The following POF1B variants were observed in gnomAD, a reference collection of about 807,000 sequenced individuals.
POF1B encodes the protein POF1B actin binding protein.
In POF1B, 53 loss-of-function variants were observed where a neutral mutation model predicts 55.3. The observed-to-expected ratio is 0.96, with a 90% CI of 0.77 to 1.20. The LOEUF (loss-of-function observed/expected upper bound fraction) is 1.20, where lower values mean the gene tolerates loss of function less well. Among genes scored for constraint, POF1B ranks in the 50% most tolerant of loss-of-function variants. The pLI is 0.00. For synonymous variants in POF1B, 188 were observed against 148.3 expected, an observed-to-expected ratio of 1.27 and a Z score of -1.95; for missense variants, 478 against 420.5, an observed-to-expected ratio of 1.14 and a Z score of -1.20.
At chrX:85,283,910 T>A (rs192513856) in intron 15 of POF1B, among the ~76,000 whole-genome samples, 314 of 110,846 alleles carry the variant, frequency 2.8e-3, no homozygotes, top group Middle Eastern at 9.2e-3. Context: ...AGTACTTTTT[T>A]AAAAAAAATG....
intron 15 of POF1B, among the ~76,000 whole-genome samples, chrX:85,288,656 G>C (rs1932108898): frequency 9.0e-6 from 1 of 111,074 alleles, no homozygotes; most frequent in Non-Finnish European, 1.9e-5. Context: ...CAAATCATGG[G>C]GGCTGGTCTT....
chrX:85,286,868 C>T, intron 15 of POF1B, among the ~76,000 whole-genome samples: 1 of 110,956 alleles, frequency 9.0e-6, no homozygotes, highest in East Asian at 2.8e-4. Context: ...GAGAAATAAA[C>T]AAATCCACAA....
chrX:85,320,208 C>A (rs749520939), intron 7 of POF1B, among the ~76,000 whole-genome samples: 24 of 110,516 alleles, frequency 2.2e-4, no homozygotes, highest in African/African-American at 7.9e-4. Context: ...ATCCCCTTTT[C>A]ATTTCTGATT....
intron 4 of POF1B, among the ~76,000 whole-genome samples, chrX:85,355,294 T>C (rs1933470690): frequency 8.9e-6 from 1 of 111,773 alleles, no homozygotes; most frequent in African/African-American, 3.3e-5. Context: ...TTACACCTTA[T>C]ACAAAAATTA....
intron 7 of POF1B, among the ~76,000 whole-genome samples, chrX:85,330,105 C>A (rs2147924527): frequency 9.1e-6 from 1 of 109,778 alleles, no homozygotes; most frequent in East Asian, 2.8e-4. Flanking sequence ...TTTTGCCTGA[C>A]AGATGGCCAC....
intron 7 of POF1B, among the ~76,000 whole-genome samples, chrX:85,321,103 T>G (rs1932833315): frequency 9.0e-6 from 1 of 111,633 alleles, no homozygotes; most frequent in Non-Finnish European, 1.9e-5. Flanking sequence ...GAGGCCAACA[T>G]CATCCTGATA....
At chrX:85,316,970 G>A (rs770943780) in intron 7 of POF1B, among the ~76,000 whole-genome samples, 6 of 110,659 alleles carry the variant, frequency 5.4e-5, no homozygotes, top group African/African-American at 1.6e-4. Flanking sequence ...GTAATAACAT[G>A]CAGTATTTGG....
At position 85,367,686 on chromosome X, in the gene POF1B, T is replaced by C; in HGVS notation, c.357+6A>G. 8.7e-7 allele frequency: 1 copy of C among 1,143,308 alleles called. No homozygotes were observed. The highest frequency in any genetic ancestry group is 1.2e-6 in the Non-Finnish European group (1 of 838,858). 94.2% of individuals were successfully genotyped at this position (1,143,308 alleles called of 1,213,427 possible). ...CAAATCTAATGTAATTCACAACTTC[T>C]TTTACCTGTTCAGTATTTTGGGTTA... is the stretch of plus-strand genomic sequence containing the variant. On this transcript the variant is annotated splice_donor_region_variant and intron_variant, in intron 3 of 16. Coordinates refer to ENST00000262753, the MANE Select transcript of POF1B (RefSeq NM_024921.4).
chrX:85,315,337 A>G (rs902329589), intron 8 of POF1B, among the ~76,000 whole-genome samples: 6 of 111,415 alleles, frequency 5.4e-5, no homozygotes, highest in Non-Finnish European at 9.5e-5. Context: ...AATTAATCAT[A>G]TAGATTTCAG....
intron 4 of POF1B, among the ~76,000 whole-genome samples, chrX:85,354,402 T>C (rs993032443): frequency 9.0e-6 from 1 of 110,728 alleles, no homozygotes; most frequent in Non-Finnish European, 1.9e-5. Flanking sequence ...GAAGGAATGA[T>C]ATGAACCTTC....
chrX:85,369,775 A>G (rs972572284), intron 2 of POF1B, among the ~76,000 whole-genome samples: 4 of 111,783 alleles, frequency 3.6e-5, no homozygotes, highest in African/African-American at 1.3e-4. Flanking sequence ...GGCATGGAGT[A>G]TGTGTGTTAT....
chrX:85,297,076 T>C (rs1035304682), intron 15 of POF1B, among the ~76,000 whole-genome samples: 34 of 112,235 alleles, frequency 3.0e-4, no homozygotes, highest in Non-Finnish European at 5.3e-4. Flanking sequence ...ATTCCAGAAG[T>C]TCCATTTGGT....
intron 15 of POF1B, among the ~76,000 whole-genome samples, chrX:85,302,427 G>A (rs958839291): frequency 1.8e-5 from 2 of 111,526 alleles, no homozygotes; most frequent in Admixed American, 1.9e-4. Flanking sequence ...TAATCCAAGA[G>A]ATGAACAATA....
At chrX:85,300,824 A>G (rs905951256) in intron 15 of POF1B, among the ~76,000 whole-genome samples, 11 of 112,025 alleles carry the variant, frequency 9.8e-5, no homozygotes, top group Non-Finnish European at 1.7e-4. Context: ...GGAATAAAGA[A>G]CATTATTAAA....
chrX:85,368,236 G>A (rs770894066), intron 2 of POF1B, among the ~76,000 whole-genome samples: 175 of 110,884 alleles, frequency 1.6e-3, no homozygotes, highest in Non-Finnish European at 2.5e-3. Context: ...ACCATCAACC[G>A]AACAGTGTAC....
chrX:85,326,364 A>G (rs1468434759), intron 7 of POF1B, among the ~76,000 whole-genome samples: 2 of 110,055 alleles, frequency 1.8e-5, no homozygotes, highest in Non-Finnish European at 3.8e-5. Flanking sequence ...CACTGGTAGC[A>G]CTGGACTGTG....
At position 85,306,243 on chromosome X, in the gene POF1B, G is replaced by C; in HGVS notation, c.1255C>G (p.Leu419Val). Residue 419 changes from leucine (L) to valine (V), a missense_variant, in exon 12 of 17, where the codon CTA (leucine) becomes GTA (valine). Leu to Val is a conservative substitution (Grantham distance 32). Transcript: ENST00000262753. ...CGTTTACAATATTCCAGTTCTTTTA[G>C]TCTGTATTCCATGTCTGATAGTGTA... ...RHTLSDMEYR[L>V]KELEYCKRNL... 2.5e-6 allele frequency: 3 copies of C among 1,203,408 alleles called. No individual in the cohort carries two copies. Among genetic ancestry groups the C allele is most frequent in the Non-Finnish European group, 2.3e-6 (2 of 888,702 alleles).
intron 15 of POF1B, among the ~76,000 whole-genome samples, chrX:85,282,624 G>T (rs1018429080): frequency 2.7e-5 from 3 of 110,760 alleles, no homozygotes; most frequent in African/African-American, 9.8e-5. Context: ...CTAGCTCACT[G>T]CCTGGAGAGA....
Position 85,303,295 on chromosome X carries a change from C to T in POF1B, c.1649+111G>A, listed in dbSNP as rs1569282017. 1.4e-5 allele frequency: 6 copies of T among 441,894 alleles called. No individual in the cohort carries two copies. In the South Asian group the frequency reaches 3.0e-4, roughly 22 times the overall value. 36.4% of individuals were successfully genotyped at this position (441,894 alleles called of 1,213,427 possible). ...TTCATTCTTCAGTAGAATAACTGGC[C>T]AGCAGAAAACACCAAACTCTGTCTA... is the stretch of plus-strand genomic sequence containing the variant. On this transcript the variant is annotated intron_variant, in intron 15 of 16. Transcript: ENST00000262753.
Sources: gnomAD v4.1 joint callset for allele counts (sites outside exome capture counted in the v4.1 genomes callset) on GRCh38, gnomAD v4.1.1 for gene constraint, MANE v1.5 for transcripts, NCBI Gene and HGNC (gene_info 2026-07-23, HGNC 2026-07-21) for gene names.